Variants in GAP43 observed in about 807,000 individuals in gnomAD.
GAP43 encodes growth associated protein 43.
A neutral mutation model predicts 18.6 loss-of-function variants in GAP43; 6 were observed. The ratio of observed to expected loss-of-function variants is 0.32; its 90% confidence interval spans 0.18 to 0.64. The LOEUF is 0.64. Ranked by LOEUF, GAP43 falls within the 30% of genes least tolerant of loss-of-function variation. The pLI, the probability that GAP43 is intolerant of heterozygous loss-of-function variation, is 0.78. For missense variants in GAP43, 292 were observed against 295.5 expected, an observed-to-expected ratio of 0.99 and a Z score of 0.09; for synonymous variants, 115 against 111.4, an observed-to-expected ratio of 1.03 and a Z score of -0.20.
chr3:115,677,414 G>A (rs1708906914), intron 2 of GAP43, among the ~76,000 whole-genome samples: 1 of 152,136 alleles, frequency 6.6e-6, no homozygotes, highest in Non-Finnish European at 1.5e-5. Context: ...TTTTGGAGCT[G>A]TAACTTGAAA....
intron 1 of GAP43, among the ~76,000 whole-genome samples, chr3:115,625,052 G>C (rs972119046): frequency 6.6e-5 from 10 of 151,966 alleles, no homozygotes; most frequent in Non-Finnish European, 1.3e-4. Context: ...AATCCGAAGG[G>C]GGTGGAAGAG....
chr3:115,628,357 A>C (rs1441591146), intron 1 of GAP43, among the ~76,000 whole-genome samples: 1 of 151,912 alleles, frequency 6.6e-6, no homozygotes, highest in Non-Finnish European at 1.5e-5. Flanking sequence ...ATCTATCTTA[A>C]AAGATTCTCT....
rs1225788506 is a variant in GAP43, at chr3:115,720,862, G to T, written c.697G>T (p.Ala233Ser). ...QDEGKEEEPEADQEHA is the reference protein window; with the variant it reads ...QDEGKEEEPESDQEHA The stretch of plus-strand genomic sequence containing the variant: ...CGAGGGTAAAGAAGAGGAACCTGAG[G>T]CTGACCAAGAACATGCCTGAACTCT... The change falls in exon 3 of 3, where the codon GCT becomes TCT. Residue 233 changes from alanine to serine, a missense_variant. Ala to Ser is a moderately conservative substitution (Grantham distance 99). Transcript: ENST00000305124. 1.9e-6 allele frequency: 3 copies of T among 1,612,334 alleles called. No homozygotes were observed. The highest frequency in any genetic ancestry group is 2.5e-6 in the Non-Finnish European group (3 of 1,178,966).
Position 115,658,821 on chromosome 3 carries a change from C to T in GAP43, c.31-17192C>T, listed in dbSNP as rs1708619894. The T allele has an allele frequency of 2.0e-5, 3 of 152,468 alleles. 1 individual carries two copies. The South Asian group carries it at 6.2e-4, about 32-fold the overall frequency. 9.4% of individuals were successfully genotyped at this position (152,468 alleles called of 1,614,324 possible). A position where few individuals can be genotyped will look rare whatever the true frequency, so the allele number is the denominator to read the frequency against. On this transcript the variant is annotated intron_variant, in intron 1 of 2. Coordinates refer to ENST00000305124, the MANE Select transcript of GAP43 (RefSeq NM_002045.4). ...GGAGAACAAAAGCGTCAGCCCAGGG[C>T]CCCAGGTCTCTCCGCGGGAGGAGGG...
chr3:115,704,255 T>A (rs1709332594), intron 2 of GAP43, among the ~76,000 whole-genome samples: 1 of 152,096 alleles, frequency 6.6e-6, no homozygotes, highest in African/African-American at 2.4e-5. Context: ...GGAGGAATTA[T>A]CTACACTTTT....
At chr3:115,680,659 C>T (rs1332201044) in intron 2 of GAP43, among the ~76,000 whole-genome samples, 1 of 152,144 alleles carries the variant, frequency 6.6e-6, no homozygotes, top group Non-Finnish European at 1.5e-5. Context: ...TGAGGCAGTG[C>T]TTCAGGGGCT....
intron 1 of GAP43, among the ~76,000 whole-genome samples, chr3:115,629,506 G>A (rs1171217045): frequency 6.6e-6 from 1 of 150,988 alleles, no homozygotes; most frequent in Non-Finnish European, 1.5e-5. Context: ...TTCCCTCTCA[G>A]CCTGAAATAT....
intron 2 of GAP43, among the ~76,000 whole-genome samples, chr3:115,705,158 ATATGAC>A (rs1206563291): frequency 1.3e-5 from 2 of 152,206 alleles, no homozygotes; most frequent in Admixed American, 6.6e-5. Context: ...AGCTGAATGA[ATATGAC>A]TCATAAATGC....
chr3:115,631,132 C>A (rs909404642), intron 1 of GAP43, among the ~76,000 whole-genome samples: 2 of 152,176 alleles, frequency 1.3e-5, no homozygotes, highest in Non-Finnish European at 2.9e-5. Context: ...CACTTGCAGT[C>A]ATTTCATTCA....
intron 1 of GAP43, among the ~76,000 whole-genome samples, chr3:115,668,750 C>T (rs772109121): frequency 1.3e-5 from 2 of 151,884 alleles, no homozygotes; most frequent in African/African-American, 2.4e-5. Flanking sequence ...CTAGTGAAAA[C>T]GCATATAAGC....
At chr3:115,713,116 G>A (rs1709461552) in intron 2 of GAP43, among the ~76,000 whole-genome samples, 1 of 152,116 alleles carries the variant, frequency 6.6e-6, no homozygotes, top group South Asian at 2.1e-4. Context: ...TATAGCTAAA[G>A]AAAAAGACTG....
chr3:115,652,356 CTTTTTTTTTTTTTTTT>C (rs71141831), intron 1 of GAP43, among the ~76,000 whole-genome samples: 1 of 43,768 alleles, frequency 2.3e-5, no homozygotes, highest in African/African-American at 8.7e-5. Context: ...ATCCAGCATT[CTTTTTTTTTTTTTTTT>C]TTTTTTTTTT....
At chr3:115,674,389 G>T (rs927984236) in intron 1 of GAP43, among the ~76,000 whole-genome samples, 3 of 152,142 alleles carry the variant, frequency 2.0e-5, no homozygotes, top group African/African-American at 7.2e-5. Flanking sequence ...TTATGTAGTT[G>T]CCTACACAAT....
At chr3:115,687,093 A>G (rs555467490) in intron 2 of GAP43, among the ~76,000 whole-genome samples, 2 of 142,556 alleles carry the variant, frequency 1.4e-5, no homozygotes, top group Non-Finnish European at 3.0e-5. Flanking sequence ...GAGATGACTG[A>G]AGATGTCCTG....
intron 1 of GAP43, among the ~76,000 whole-genome samples, chr3:115,631,988 G>A (rs1708265747): frequency 6.6e-6 from 1 of 152,180 alleles, no homozygotes; most frequent in African/African-American, 2.4e-5. Context: ...GAAAACTTCA[G>A]TGACAGAATT....
intron 1 of GAP43, among the ~76,000 whole-genome samples, chr3:115,674,649 G>C (rs28399385): frequency 6.6e-6 from 1 of 152,180 alleles, no homozygotes; most frequent in African/African-American, 2.4e-5. Context: ...AGGAGAAACA[G>C]TGTTTCCCAT....
At chr3:115,653,537 G>A (rs891038332) in intron 1 of GAP43, among the ~76,000 whole-genome samples, 1 of 152,150 alleles carries the variant, frequency 6.6e-6, no homozygotes, top group Non-Finnish European at 1.5e-5. Flanking sequence ...TACTTTGTGT[G>A]GCGGGGTGAA....
chr3:115,698,162 TAAA>T (rs1382401293), intron 2 of GAP43, among the ~76,000 whole-genome samples: 342 of 50,200 alleles, frequency 6.8e-3, no homozygotes, highest in Non-Finnish European at 0.01. Flanking sequence ...ATATAATATA[TAAA>T]ATATATTAAA....
chr3:115,716,765 T>G (rs3902170), intron 2 of GAP43, among the ~76,000 whole-genome samples: 20 of 88,966 alleles, frequency 2.2e-4, no homozygotes, highest in African/African-American at 8.5e-4. Flanking sequence ...TATATATATA[T>G]ATACAGAGAG....
Sources: allele counts gnomAD v4.1 joint callset (sites outside exome capture counted in the v4.1 genomes callset), GRCh38; gene constraint gnomAD v4.1.1; transcripts MANE v1.5; gene names NCBI Gene and HGNC (gene_info 2026-07-23, HGNC 2026-07-21).